The following CHD4 variants were observed in gnomAD, a reference collection of about 807,000 sequenced individuals.
The protein encoded by CHD4 is ATP-dependent chromatin remodeler CHD4.
In CHD4, 35 loss-of-function variants were observed where a neutral mutation model predicts 235.5. That is an observed-to-expected ratio of 0.15 (90% CI 0.11 to 0.20). CHD4 has a LOEUF of 0.20. Ranked by LOEUF, CHD4 falls within the 10% of genes least tolerant of loss-of-function variation. The pLI, the probability that CHD4 is intolerant of heterozygous loss-of-function variation, is 1.00. For missense variants in CHD4, 1,329 were observed against 2,432.3 expected, an observed-to-expected ratio of 0.55 and a Z score of 9.54; for synonymous variants, 900 against 850.2, an observed-to-expected ratio of 1.06 and a Z score of -1.02.
chr12:6,592,823 G>GA lies in CHD4; in HGVS notation c.2653-7dup, dbSNP rs1299501332. On this transcript the variant is annotated splice_polypyrimidine_tract_variant and splice_region_variant and intron_variant, in intron 17 of 39. Coordinates refer to ENST00000544040, the MANE Select transcript of CHD4 (RefSeq NM_001273.5). Reference sequence around the variant, plus strand: ...CCATTCAATACCCGGAAGAACTGGTGAAGCAGATGGAGAAAGGTGAAATCC... The same window carrying GA: ...CCATTCAATACCCGGAAGAACTGGTGAAAGCAGATGGAGAAAGGTGAAATCC... 9 of 1,606,936 alleles carry GA rather than the reference G, an allele frequency of 5.6e-6. No homozygotes were observed. The highest frequency in any genetic ancestry group is 7.6e-6 in the Non-Finnish European group (9 of 1,178,068).
chr12:6,581,650 A>G lies in CHD4; in HGVS notation c.4680T>C (p.Ala1560=). 1.9e-6 allele frequency: 3 copies of G among 1,613,854 alleles called. No individual in the cohort carries two copies. Among genetic ancestry groups the G allele is most frequent in the Non-Finnish European group, 2.5e-6 (3 of 1,179,776 alleles). ...QPNTPAPVPP[A]EDGIKIEENS... is the part of the protein sequence containing the mutation. ...AAATGATAGGACAGGCAGACTTACCAGCAGGTGGGACAGGTGCAGGAGTGT... is the reference window on the plus strand; with the variant it reads ...AAATGATAGGACAGGCAGACTTACCGGCAGGTGGGACAGGTGCAGGAGTGT... The change falls in exon 31 of 40, where the codon GCT becomes GCC. Residue 1560 remains alanine, a splice_region_variant and synonymous_variant. Transcript: ENST00000544040.
intron 25 of CHD4, among the ~76,000 whole-genome samples, chr12:6,586,567 A>T (rs1948298564): frequency 6.6e-6 from 1 of 152,186 alleles, no homozygotes; most frequent in African/African-American, 2.4e-5. Flanking sequence ...AAAAACATTT[A>T]AAAAATTAAC....
Position 6,570,613 on chromosome 12 carries a change from C to T in CHD4, c.*63G>A, listed in dbSNP as rs1947947600. On this transcript the variant is annotated 3_prime_UTR_variant, in exon 40 of 40. Transcript: ENST00000544040. ...GTCTCTCAGGCCCCCAGGGGAGAAG[C>T]TGGGACAAGAGAAAGTGAGGAAGGT... is the stretch of plus-strand genomic sequence containing the variant. 4 of 1,607,542 alleles carry T rather than the reference C, an allele frequency of 2.5e-6. 1 individual carries two copies. In the Admixed American group the frequency reaches 6.7e-5, roughly 27 times the overall value.
rs1187689319 is a variant in CHD4, at chr12:6,606,791, G to A, written c.-78-340C>T. The A allele has an allele frequency of 3.8e-5, 6 of 157,512 alleles. No homozygotes were observed. The South Asian group carries it at 7.3e-4, about 19-fold the overall frequency. The allele number at this position is 157,512 out of a possible 1,614,324, so 9.8% of individuals were successfully genotyped here. A position where few individuals can be genotyped will look rare whatever the true frequency, so the allele number is the denominator to read the frequency against. On this transcript the variant is annotated intron_variant, in intron 1 of 39. Coordinates refer to ENST00000544040, the MANE Select transcript of CHD4 (RefSeq NM_001273.5). ...GGAGGCCGCAGGCGGCGAGGCGCTC[G>A]GGGACACAAGGTCACTTGGGGGTGG...
intron 37 of CHD4, among the ~76,000 whole-genome samples, chr12:6,577,559 G>C (rs1288915510): frequency 6.6e-6 from 1 of 152,024 alleles, no homozygotes; most frequent in African/African-American, 2.4e-5. Context: ...CTCTGCACTA[G>C]TGTGTCACTG....
intron 37 of CHD4, 98 bp downstream of exon 37, chr12:6,577,687 G>A (rs1408688028): frequency 2.0e-6 from 3 of 1,494,444 alleles, no homozygotes; most frequent in Non-Finnish European, 2.7e-6. Context: ...TGAAGAAAGT[G>A]AGAACAGTGC....
intron 33 of CHD4, chr12:6,580,710 A>AAAAAAAAAAAAAAAAAAC (rs1948167771): frequency 5.1e-6 from 1 of 196,058 alleles, no homozygotes. Context: ...CTTTGAAAAA[A>AAAAAAAAAAAAAAAAAAC]AAAAAAAAAA....
chr12:6,603,823 C>T (rs185662065), intron 2 of CHD4, among the ~76,000 whole-genome samples: 75 of 152,244 alleles, frequency 4.9e-4, no homozygotes, highest in African/African-American at 1.8e-3. Context: ...CGCATACAAC[C>T]TTCTCCCCAA....
intron 22 of CHD4, among the ~76,000 whole-genome samples, chr12:6,591,039 C>T (rs1948386242): frequency 7.0e-6 from 1 of 143,270 alleles, no homozygotes; most frequent in Admixed American, 7.4e-5. Flanking sequence ...AGGAGAACTG[C>T]TTGAACCCGG....
intron 37 of CHD4, among the ~76,000 whole-genome samples, chr12:6,576,767 AT>A (rs1228212759): frequency 6.6e-6 from 1 of 152,114 alleles, no homozygotes; most frequent in African/African-American, 2.4e-5. Flanking sequence ...GCAGAATGGC[AT>A]TCATTTGATT....
rs1214106218 is a variant in CHD4 at position 6,600,973 on chromosome 12, G to A, written c.880C>T (p.Leu294=). The A allele has an allele frequency of 3.1e-6, 5 of 1,608,774 alleles. No individual in the cohort carries two copies. Among genetic ancestry groups the A allele is most frequent in the East Asian group, 2.2e-5 (1 of 44,822 alleles). ...KKPKPKKVAP[L]KIKLGGFGSK... ...CCAAAACCTCCCAGCTTGATTTTCA[G>A]GGGAGCTACTTTCTTGGGTTTAGGC... is the stretch of plus-strand genomic sequence containing the variant. The change falls in exon 7 of 40, where the codon CTG becomes TTG. Residue 294 remains leucine, a synonymous_variant. Coordinates refer to ENST00000544040, the MANE Select transcript of CHD4 (RefSeq NM_001273.5).
intron 2 of CHD4, among the ~76,000 whole-genome samples, chr12:6,605,740 G>A (rs541364799): frequency 6.6e-6 from 1 of 152,206 alleles, no homozygotes; most frequent in South Asian, 2.1e-4. Flanking sequence ...TCCAGATCCT[G>A]CTGAGGAGCG....
chr12:6,606,605 C>T (rs903473603), intron 1 of CHD4, 154 bp from the exon 2 acceptor site: 7 of 410,068 alleles, frequency 1.7e-5, no homozygotes, highest in Non-Finnish European at 2.6e-5. Context: ...TCCTCGGGGG[C>T]AGCCCGGAAG....
intron 17 of CHD4, 117 bp downstream of exon 17, chr12:6,592,974 G>C: frequency 1.3e-6 from 2 of 1,521,430 alleles, no homozygotes; most frequent in Admixed American, 3.7e-5. Flanking sequence ...ATACAAGGAA[G>C]GAAGGCAGAG....
intron 37 of CHD4, among the ~76,000 whole-genome samples, chr12:6,577,353 C>CA (rs1352539604): frequency 6.8e-6 from 1 of 146,624 alleles, no homozygotes; most frequent in East Asian, 2.0e-4. Context: ...ACCCAGGACA[C>CA]AGAGGTTGTA....
intron 6 of CHD4, 95 bp downstream of exon 6, chr12:6,601,193 TC>T: frequency 1.3e-6 from 2 of 1,555,436 alleles, no homozygotes; most frequent in East Asian, 4.5e-5. Flanking sequence ...CCCTCCTATC[TC>T]CTACCTTAGG....
At chr12:6,585,817 G>A (rs539205194) in intron 25 of CHD4, among the ~76,000 whole-genome samples, 4 of 150,620 alleles carry the variant, frequency 2.7e-5, no homozygotes, top group Non-Finnish European at 5.9e-5. Context: ...ACACAAAGAG[G>A]CCAGGCGTAA....
chr12:6,588,036 T>C (rs1242531244), intron 23 of CHD4, 87 bp from the exon 24 acceptor site: 1 of 1,398,308 alleles, frequency 7.2e-7, no homozygotes, highest in Non-Finnish European at 1.0e-6. Flanking sequence ...CTAAATTCAG[T>C]ACAAGGCAAG....
chr12:6,603,623 A>C (rs1414800804), intron 2 of CHD4, among the ~76,000 whole-genome samples: 8 of 152,058 alleles, frequency 5.3e-5, no homozygotes, highest in Admixed American at 5.2e-4. Context: ...CCAGGTCCAA[A>C]TGCCACCTAC....
Sources: allele counts gnomAD v4.1 joint callset (sites outside exome capture counted in the v4.1 genomes callset), GRCh38; gene constraint gnomAD v4.1.1; transcripts MANE v1.5; gene names NCBI Gene and HGNC (gene_info 2026-07-23, HGNC 2026-07-21).